Variants in AP3B1 observed in about 807,000 individuals in gnomAD.
AP3B1 encodes the protein adaptor related protein complex 3 subunit beta 1, also known as AP-3 complex subunit beta-1.
AP3B1 carries 61 observed loss-of-function variants against 132.5 expected under a neutral mutation model. The observed-to-expected ratio is 0.46, with a 90% CI of 0.37 to 0.57. AP3B1 has a LOEUF of 0.57. Ranked by LOEUF, AP3B1 falls within the 20% of genes least tolerant of loss-of-function variation. AP3B1 has a pLI of 0.00. For missense variants in AP3B1, 1,120 were observed against 1,289.4 expected, an observed-to-expected ratio of 0.87 and a Z score of 2.01; for synonymous variants, 388 against 438.3, an observed-to-expected ratio of 0.89 and a Z score of 1.43.
At chr5:78,153,267 T>A (rs1464438385) in intron 14 of AP3B1, among the ~76,000 whole-genome samples, 1 of 152,198 alleles carries the variant, frequency 6.6e-6, no homozygotes, top group Non-Finnish European at 1.5e-5. Context: ...CTTGCTGAAT[T>A]GACTCTTTAT....
intron 26 of AP3B1, among the ~76,000 whole-genome samples, chr5:78,008,226 C>T (rs1276576461): frequency 6.6e-6 from 1 of 152,174 alleles, no homozygotes; most frequent in East Asian, 1.9e-4. Context: ...AAAACAAATA[C>T]ATTCTTACCC....
chr5:78,168,725 T>C (rs541625967), intron 11 of AP3B1, among the ~76,000 whole-genome samples: 1 of 152,186 alleles, frequency 6.6e-6, no homozygotes, highest in Non-Finnish European at 1.5e-5. Context: ...ATCAGGTCAT[T>C]AAACTGATGC....
At chr5:78,282,681 T>C (rs1449350726) in intron 1 of AP3B1, among the ~76,000 whole-genome samples, 7 of 152,042 alleles carry the variant, frequency 4.6e-5, no homozygotes, top group Non-Finnish European at 8.8e-5. Context: ...TTAACAATAA[T>C]TCTAAAATTA....
chr5:78,082,153 G>A lies in AP3B1; in HGVS notation c.2577+7240C>T, dbSNP rs996473241. Among the ~76,000 whole-genome samples, 6 of 152,126 alleles carry A rather than the reference G, an allele frequency of 3.9e-5. 1 individual carries two copies. The highest frequency in any genetic ancestry group is 2.6e-4 in the Admixed American group (4 of 15,282). On this transcript the variant is annotated intron_variant, in intron 22 of 26. Coordinates refer to ENST00000255194, the MANE Select transcript of AP3B1 (RefSeq NM_003664.5). ...GTTCTAGTATCCAATTTGAGGGCGG[G>A]AGGAAGGGAAAGAAATGGAATAGGT... is the stretch of plus-strand genomic sequence containing the variant.
chr5:78,239,472 GAA>G lies in AP3B1; in HGVS notation c.279+1388_279+1389del, dbSNP rs1302357220. Reference sequence around the variant, plus strand: ...GGAGATAGAGAGGAACCCTGTCTCAGAAAAAAAAAAAAAAAAAAAAGCCAGGC... The same window carrying G: ...GGAGATAGAGAGGAACCCTGTCTCAGAAAAAAAAAAAAAAAAAAGCCAGGC... On this transcript the variant is annotated intron_variant, in intron 3 of 26. Transcript: ENST00000255194. Among the ~76,000 whole-genome samples, 9 of 39,514 alleles carry G rather than the reference GAA, an allele frequency of 2.3e-4. No individual in the cohort carries two copies. The East Asian group carries it at 2.3e-3, about 10-fold the overall frequency. 25.9% of individuals were successfully genotyped at this position (39,514 alleles called of 152,430 possible). A position where few individuals can be genotyped will look rare whatever the true frequency, so the allele number is the denominator to read the frequency against.
chr5:78,138,035 T>C (rs752541537), intron 15 of AP3B1, among the ~76,000 whole-genome samples: 80 of 152,194 alleles, frequency 5.3e-4, no homozygotes, highest in Non-Finnish European at 9.6e-4. Context: ...GTTTTAAAGA[T>C]GGCTAAAATA....
intron 21 of AP3B1, among the ~76,000 whole-genome samples, chr5:78,093,922 T>C (rs564507285): frequency 1.3e-5 from 2 of 152,340 alleles, no homozygotes; most frequent in Admixed American, 6.5e-5. Flanking sequence ...AGAGCTGGGA[T>C]TGAAACTCAG....
chr5:78,092,488 T>C (rs1409944614), intron 21 of AP3B1, among the ~76,000 whole-genome samples: 1 of 151,966 alleles, frequency 6.6e-6, no homozygotes, highest in Non-Finnish European at 1.5e-5. Context: ...ATGGGGTTTT[T>C]AAAAAAAATG....
intron 22 of AP3B1, among the ~76,000 whole-genome samples, chr5:78,076,504 C>T (rs1749773671): frequency 6.6e-6 from 1 of 152,154 alleles, no homozygotes; most frequent in African/African-American, 2.4e-5. Context: ...GGGACCACAC[C>T]TGATAATTTA....
intron 21 of AP3B1, among the ~76,000 whole-genome samples, chr5:78,092,217 A>G (rs1391509326): frequency 6.6e-6 from 1 of 152,252 alleles, no homozygotes; most frequent in Non-Finnish European, 1.5e-5. Flanking sequence ...TCTGATTTCA[A>G]CTGTGGCTTG....
At chr5:78,253,765 G>A (rs1055445755) in intron 2 of AP3B1, among the ~76,000 whole-genome samples, 1 of 151,962 alleles carries the variant, frequency 6.6e-6, no homozygotes, top group African/African-American at 2.4e-5. Flanking sequence ...AGGAGATCGA[G>A]ACCATCCTAG....
intron 22 of AP3B1, among the ~76,000 whole-genome samples, chr5:78,048,720 G>T (rs1260404850): frequency 6.6e-6 from 1 of 152,208 alleles, no homozygotes; most frequent in African/African-American, 2.4e-5. Flanking sequence ...GGTTCTTGAT[G>T]CCCAGACACA....
chr5:78,093,090 T>C (rs1357488978), intron 21 of AP3B1, among the ~76,000 whole-genome samples: 5 of 152,230 alleles, frequency 3.3e-5, no homozygotes, highest in Admixed American at 1.3e-4. Flanking sequence ...CTAATTATGA[T>C]AGCAAAAAAT....
At chr5:78,213,705 T>C (rs1745846027) in intron 7 of AP3B1, among the ~76,000 whole-genome samples, 1 of 152,192 alleles carries the variant, frequency 6.6e-6, no homozygotes, top group African/African-American at 2.4e-5. Context: ...CCAGAGTAAC[T>C]GAAATTAAAC....
chr5:78,190,400 G>A (rs368737167), intron 7 of AP3B1, among the ~76,000 whole-genome samples: 99 of 152,246 alleles, frequency 6.5e-4, no homozygotes, highest in African/African-American at 2.3e-3. Flanking sequence ...AAGGGTGGAC[G>A]TTTTTATGAG....
intron 22 of AP3B1, among the ~76,000 whole-genome samples, chr5:78,084,027 T>C (rs901222830): frequency 1.3e-5 from 2 of 152,224 alleles, no homozygotes; most frequent in African/African-American, 2.4e-5. Flanking sequence ...AACAAACTTA[T>C]TCAAATTATC....
chr5:78,159,660 T>C (rs988962998), intron 13 of AP3B1, among the ~76,000 whole-genome samples: 2 of 152,212 alleles, frequency 1.3e-5, no homozygotes, highest in Non-Finnish European at 2.9e-5. Flanking sequence ...TCCCCATCTA[T>C]AGAAACTTGA....
intron 17 of AP3B1, among the ~76,000 whole-genome samples, chr5:78,118,270 C>T (rs985456400): frequency 1.1e-4 from 17 of 152,282 alleles, no homozygotes; most frequent in Non-Finnish European, 1.6e-4. Context: ...ACGCAGAAGA[C>T]GGGTGATTTC....
intron 7 of AP3B1, among the ~76,000 whole-genome samples, chr5:78,212,809 A>G (rs1745797949): frequency 6.6e-6 from 1 of 152,192 alleles, no homozygotes; most frequent in African/African-American, 2.4e-5. Flanking sequence ...GCAAATATAA[A>G]TGCCAAATAC....
Sources: allele counts gnomAD v4.1 joint callset (sites outside exome capture counted in the v4.1 genomes callset), GRCh38; gene constraint gnomAD v4.1.1; transcripts MANE v1.5; gene names NCBI Gene and HGNC (gene_info 2026-07-23, HGNC 2026-07-21).